Variants in HDGFL3 observed in about 807,000 individuals in gnomAD.
HDGFL3 encodes HDGF like 3, also known as hepatoma-derived growth factor-related protein 3.
A neutral mutation model predicts 27.6 loss-of-function variants in HDGFL3; 6 were observed. That is an observed-to-expected ratio of 0.22 (90% confidence interval 0.12 to 0.43). The LOEUF is 0.43. Ranked by LOEUF, HDGFL3 falls within the 20% of genes least tolerant of loss-of-function variation. HDGFL3 has a pLI of 1.00. For synonymous variants in HDGFL3, 88 were observed against 88.9 expected (o/e 0.99, Z 0.05); for missense variants, 207 against 250.1 (o/e 0.83, Z 1.16).
intron 3 of HDGFL3, among the ~76,000 whole-genome samples, chr15:83,120,995 G>C (rs1390260583): frequency 1.3e-5 from 2 of 152,134 alleles, no homozygotes; most frequent in Non-Finnish European, 2.9e-5. Context: ...TTTCCCTTCA[G>C]AGAATTTCCT....
chr15:83,204,025 T>C (rs2037684756), intron 1 of HDGFL3, among the ~76,000 whole-genome samples: 1 of 145,588 alleles, frequency 6.9e-6, no homozygotes, highest in Non-Finnish European at 1.5e-5. Context: ...GCATACTAGA[T>C]GAGAAACAGC....
chr15:83,148,220 C>T (rs1237732786), intron 5 of HDGFL3, among the ~76,000 whole-genome samples: 2 of 152,190 alleles, frequency 1.3e-5, no homozygotes, highest in African/African-American at 4.8e-5. Context: ...AATCCATCAA[C>T]TCACGGCTCA....
intron 1 of HDGFL3, among the ~76,000 whole-genome samples, chr15:83,169,791 G>A (rs1596556772): frequency 6.6e-6 from 1 of 152,122 alleles, no homozygotes; most frequent in Non-Finnish European, 1.5e-5. Context: ...CAGAGCAAGA[G>A]TCCATCTCAA....
intron 5 of HDGFL3, among the ~76,000 whole-genome samples, chr15:83,146,639 C>T (rs973347728): frequency 1.3e-5 from 2 of 152,138 alleles, no homozygotes; most frequent in Non-Finnish European, 2.9e-5. Flanking sequence ...CTGCGAAAAC[C>T]TTAATTCTAG....
intron 1 of HDGFL3, among the ~76,000 whole-genome samples, chr15:83,182,153 A>C (rs2037389139): frequency 6.6e-6 from 1 of 152,020 alleles, no homozygotes; most frequent in Non-Finnish European, 1.5e-5. Flanking sequence ...TAGTCTTTTA[A>C]ATTTTAGTCA....
chr15:83,176,223 C>T (rs1361599676), intron 1 of HDGFL3, among the ~76,000 whole-genome samples: 1 of 152,094 alleles, frequency 6.6e-6, no homozygotes, highest in African/African-American at 2.4e-5. Flanking sequence ...AAGCCTTTAC[C>T]CCTTTTTGAG....
intron 4 of HDGFL3, among the ~76,000 whole-genome samples, chr15:83,156,237 C>CT (rs1325896695): frequency 6.6e-6 from 1 of 152,172 alleles, no homozygotes; most frequent in East Asian, 1.9e-4. Context: ...CTACTCTCTT[C>CT]TTTGAGGTCT....
chr15:83,153,250 C>G (rs2151400051), intron 4 of HDGFL3, among the ~76,000 whole-genome samples: 1 of 152,216 alleles, frequency 6.6e-6, no homozygotes, highest in South Asian at 2.1e-4. Flanking sequence ...GATCTCCTGA[C>G]CTCATGATCT....
chr15:83,178,883 G>C (rs2037346780), intron 1 of HDGFL3, among the ~76,000 whole-genome samples: 1 of 152,126 alleles, frequency 6.6e-6, no homozygotes. Flanking sequence ...CTGCGAAATG[G>C]ATCAGGCTTC....
chr15:83,173,134 A>G (rs1481009561), intron 1 of HDGFL3, among the ~76,000 whole-genome samples: 2 of 152,232 alleles, frequency 1.3e-5, no homozygotes, highest in Non-Finnish European at 2.9e-5. Flanking sequence ...TGGTTTCCAC[A>G]GTACTACAGA....
intron 1 of HDGFL3, among the ~76,000 whole-genome samples, chr15:83,177,780 T>C (rs2037331696): frequency 6.6e-6 from 1 of 152,224 alleles, no homozygotes; most frequent in South Asian, 2.1e-4. Flanking sequence ...ATAATATGTA[T>C]ATTATGCACG....
chr15:83,136,404 G>A lies in HDGFL3; in HGVS notation c.*2866C>T. 1.5e-6 allele frequency: 2 copies of A among 1,295,330 alleles called. No homozygotes were observed. Among genetic ancestry groups the A allele is most frequent in the Non-Finnish European group, 2.1e-6 (2 of 959,186 alleles). The allele number at this position is 1,295,330 out of a possible 1,614,324, so 80.2% of individuals were successfully genotyped here. A position where few individuals can be genotyped will look rare whatever the true frequency, so the allele number is the denominator to read the frequency against. ...GAGGGCACAGAAACGTAGCCTGAAT[G>A]AACCATTCAGAACTCATCATGCATC... On this transcript the variant is annotated 3_prime_UTR_variant, in exon 6 of 6. Coordinates refer to ENST00000299633, the MANE Select transcript of HDGFL3 (RefSeq NM_016073.4).
Position 83,135,101 on chromosome 15 carries a change from T to C in HDGFL3, c.*4169A>G, listed in dbSNP as rs1178346397. 2 of 152,184 alleles carry C rather than the reference T, an allele frequency of 1.3e-5. No individual in the cohort carries two copies. Among genetic ancestry groups the C allele is most frequent in the African/African-American group, 4.8e-5 (2 of 41,446 alleles). The allele number at this position is 152,184 out of a possible 1,614,324, so 9.4% of individuals were successfully genotyped here. On this transcript the variant is annotated 3_prime_UTR_variant, in exon 6 of 6. Coordinates refer to ENST00000299633, the MANE Select transcript of HDGFL3 (RefSeq NM_016073.4). ...CGTGCTGGTCCTTGGCAATACATCA[T>C]GCTAATTTAATTTATATCTCCAGAG...
chr15:83,160,123 C>T (rs752838196), intron 2 of HDGFL3, among the ~76,000 whole-genome samples: 4 of 151,678 alleles, frequency 2.6e-5, no homozygotes, highest in Non-Finnish European at 5.9e-5. Flanking sequence ...GAAAGAGCAT[C>T]AAGATTTGTT....
chr15:83,191,620 T>A (rs1326885961), intron 1 of HDGFL3, among the ~76,000 whole-genome samples: 10 of 152,222 alleles, frequency 6.6e-5, no homozygotes, highest in Non-Finnish European at 1.3e-4. Flanking sequence ...GAATCTAACA[T>A]GTTATAAACC....
At chr15:83,145,741 A>C (rs1372275802) in intron 5 of HDGFL3, among the ~76,000 whole-genome samples, 1 of 151,882 alleles carries the variant, frequency 6.6e-6, no homozygotes, top group African/African-American at 2.4e-5. Context: ...CTGTGATTTC[A>C]ATATCCACAT....
In HDGFL3 at chr15:83,130,619, G is replaced by C. The variant is rs2036164348; in HGVS notation, c.*8651C>G. The C allele has an allele frequency of 6.6e-6, 1 of 152,220 alleles. No homozygotes were observed. Among genetic ancestry groups the C allele is most frequent in the Non-Finnish European group, 1.5e-5 (1 of 68,048 alleles). The allele number at this position is 152,220 out of a possible 1,614,324, so 9.4% of individuals were successfully genotyped here. A position where few individuals can be genotyped will look rare whatever the true frequency, so the allele number is the denominator to read the frequency against. On this transcript the variant is annotated 3_prime_UTR_variant, in exon 6 of 6. Transcript: ENST00000299633. ...GGTCTGATTCCCACAGCTCTTGGCTGAGCTTTAATATCTACCCACTTATAG... is the reference window on the plus strand; with the variant it reads ...GGTCTGATTCCCACAGCTCTTGGCTCAGCTTTAATATCTACCCACTTATAG...
intron 5 of HDGFL3, among the ~76,000 whole-genome samples, chr15:83,145,891 TTC>T (rs1840392339): frequency 1.5e-5 from 2 of 137,920 alleles, no homozygotes; most frequent in Non-Finnish European, 1.5e-5. Flanking sequence ...TCTCCCTTTC[TTC>T]TTCCTTTTTT....
At position 83,174,137 on chromosome 15, in the gene HDGFL3, G is replaced by C. The variant is rs1424442208; in HGVS notation, c.85-10062C>G. 2.0e-5 allele frequency among the ~76,000 whole-genome samples: 3 copies of C among 152,128 alleles called. No homozygotes were observed. The East Asian group carries it at 5.8e-4, about 29-fold the overall frequency. On this transcript the variant is annotated intron_variant, in intron 1 of 5. Transcript: ENST00000299633. ...TCAAATCTGTAAAATAAGATGGTTGGATTAGGTAACCTCTAGATTTCCTTC... is the reference window on the plus strand; with the variant it reads ...TCAAATCTGTAAAATAAGATGGTTGCATTAGGTAACCTCTAGATTTCCTTC...
Sources: allele counts gnomAD v4.1 joint callset (sites outside exome capture counted in the v4.1 genomes callset), GRCh38; gene constraint gnomAD v4.1.1; transcripts MANE v1.5; gene names NCBI Gene and HGNC (gene_info 2026-07-23, HGNC 2026-07-21).